The following TFEB variants were observed in gnomAD, a reference collection of about 807,000 sequenced individuals.
TFEB encodes the protein T-cell transcription factor EB.
A neutral mutation model predicts 48.0 loss-of-function variants in TFEB; 12 were observed. That is an observed-to-expected ratio of 0.25 (90% confidence interval 0.16 to 0.40). The LOEUF (loss-of-function observed/expected upper bound fraction) is 0.40. Ranked by LOEUF, TFEB falls within the 10% of genes least tolerant of loss-of-function variation. The pLI is 1.00. For synonymous variants in TFEB, 244 were observed against 261.4 expected, an observed-to-expected ratio of 0.93 and a Z score of 0.64; for missense variants, 509 against 640.3, an observed-to-expected ratio of 0.79 and a Z score of 2.21.
chr6:41,719,346 A>G (rs1296603482), intron 1 of TFEB, among the ~76,000 whole-genome samples: 2 of 152,220 alleles, frequency 1.3e-5, no homozygotes, highest in Non-Finnish European at 2.9e-5. Flanking sequence ...CAATAAATGT[A>G]ATGCTCTTGA....
intron 1 of TFEB, among the ~76,000 whole-genome samples, chr6:41,696,261 C>G (rs1223334951): frequency 6.6e-6 from 1 of 152,202 alleles, no homozygotes; most frequent in Admixed American, 6.5e-5. Context: ...AAACACACTC[C>G]ATGACCCATG....
intron 1 of TFEB, chr6:41,732,569 A>T (rs1021672792): frequency 1.0e-6 from 1 of 985,718 alleles, no homozygotes; most frequent in African/African-American, 1.7e-5. Context: ...CCACATTCCT[A>T]GACACTTTAA....
chr6:41,690,333 T>C (rs1268234406), intron 3 of TFEB, among the ~76,000 whole-genome samples: 1 of 152,160 alleles, frequency 6.6e-6, no homozygotes, highest in Non-Finnish European at 1.5e-5. Flanking sequence ...TTTCACTATG[T>C]TGGCCAGGCT....
chr6:41,728,397 C>T lies in TFEB; in HGVS notation c.-23+6953G>A, dbSNP rs148928879. ...CTGCCCTCTGACACCCCCAGCTCTA[C>T]GGTTCCAATTAGCCCCAAAGCAAGG... On this transcript the variant is annotated intron_variant, in intron 1 of 8. Coordinates refer to ENST00000373033, the MANE Select transcript of TFEB (RefSeq NM_001271944.2). 5.2e-3 allele frequency among the ~76,000 whole-genome samples: 788 copies of T among 152,322 alleles called. 4 individuals carry two copies. Among genetic ancestry groups the T allele is most frequent in the Non-Finnish European group, 8.9e-3 (607 of 68,034 alleles).
intron 1 of TFEB, among the ~76,000 whole-genome samples, chr6:41,712,486 C>T (rs572105205): frequency 3.3e-5 from 5 of 152,302 alleles, no homozygotes; most frequent in African/African-American, 1.2e-4. Context: ...TGAAGCCTCT[C>T]AGGGCCTCAG....
At chr6:41,733,595 G>A (rs915247262) in intron 1 of TFEB, 6 of 985,164 alleles carry the variant, frequency 6.1e-6, no homozygotes, top group East Asian at 1.1e-4. Context: ...GGAGGCAGAC[G>A]GAGAGAAGGG....
chr6:41,725,492 C>T (rs1242693763), intron 1 of TFEB, among the ~76,000 whole-genome samples: 1 of 152,202 alleles, frequency 6.6e-6, no homozygotes, highest in Non-Finnish European at 1.5e-5. Context: ...GGTTCAGTAC[C>T]CTCTGGGAAG....
chr6:41,711,886 C>T (rs1436216810), intron 1 of TFEB, among the ~76,000 whole-genome samples: 1 of 152,220 alleles, frequency 6.6e-6, no homozygotes, highest in Admixed American at 6.5e-5. Context: ...GCTCACCCAG[C>T]TCAGAGGCCT....
At chr6:41,716,803 A>G (rs1217711156) in intron 1 of TFEB, among the ~76,000 whole-genome samples, 1 of 152,170 alleles carries the variant, frequency 6.6e-6, no homozygotes, top group East Asian at 1.9e-4. Context: ...ACACTCTCTG[A>G]CAGGGAGCCA....
intron 1 of TFEB, among the ~76,000 whole-genome samples, chr6:41,697,226 G>A (rs570998037): frequency 3.7e-4 from 56 of 151,908 alleles, no homozygotes; most frequent in African/African-American, 1.3e-3. Context: ...TGGGCAACAC[G>A]GTGAAACCCT....
Position 41,724,065 on chromosome 6 carries a change from A to G in TFEB, c.-23+11285T>C. 2.6e-6 allele frequency: 1 copy of G among 385,542 alleles called. No individual in the cohort carries two copies. The highest frequency in any genetic ancestry group is 5.2e-6 in the Non-Finnish European group (1 of 192,280). The allele number at this position is 385,542 out of a possible 1,614,324, so 23.9% of individuals were successfully genotyped here. On this transcript the variant is annotated intron_variant, in intron 1 of 8. Coordinates refer to ENST00000373033, the MANE Select transcript of TFEB (RefSeq NM_001271944.2). The surrounding 1 kb of genome is among the most constrained non-coding windows in gnomAD (Gnocchi z 4.4). ...CCAGGTCGAGGCCGTACTACAGCCC[A>G]CCTTGAAATGGAGCCTGAGATCAAG...
Position 41,735,384 on chromosome 6 carries a change from C to A in TFEB, c.-57G>T. On this transcript the variant is annotated 5_prime_UTR_variant, in exon 1 of 9. Coordinates refer to ENST00000373033, the MANE Select transcript of TFEB (RefSeq NM_001271944.2). Reference sequence around the variant, plus strand: ...AAGGTCAATCTGTCCGCCGCCCGCGCCCCGCGGCTCCGGCAACTTGTCGCA... The same window carrying A: ...AAGGTCAATCTGTCCGCCGCCCGCGACCCGCGGCTCCGGCAACTTGTCGCA... The A allele has an allele frequency of 1.0e-6, 1 of 985,676 alleles. No individual in the cohort carries two copies. Among genetic ancestry groups the A allele is most frequent in the Non-Finnish European group, 1.2e-6 (1 of 830,442 alleles). The allele number at this position is 985,676 out of a possible 1,614,324, so 61.1% of individuals were successfully genotyped here.
Position 41,690,715 on chromosome 6 carries a change from G to A in TFEB, c.416C>T (p.Ala139Val). Residue 139 changes from alanine to valine, a missense_variant, in exon 3 of 9, where the codon GCT (alanine) becomes GTT (valine). Coordinates refer to ENST00000373033, the MANE Select transcript of TFEB (RefSeq NM_001271944.2). ...HVLSSSAGNS[A>V]PNSPMAMLHI... is the part of the protein sequence containing the mutation. The stretch of plus-strand genomic sequence containing the variant: ...CAGCATGGCCATGGGGCTATTGGGA[G>A]CACTGTTGCCAGCGGAGGAGGACAG... The A allele has an allele frequency of 6.3e-7, 1 of 1,581,594 alleles. No individual in the cohort carries two copies. The highest frequency in any genetic ancestry group is 8.6e-7 in the Non-Finnish European group (1 of 1,159,708).
chr6:41,729,870 G>A (rs571266269), intron 1 of TFEB, among the ~76,000 whole-genome samples: 27 of 152,344 alleles, frequency 1.8e-4, no homozygotes, highest in African/African-American at 6.3e-4. Flanking sequence ...CCCAGGAGAA[G>A]GACGGCTCTC....
chr6:41,726,513 G>C (rs1771215535), intron 1 of TFEB, among the ~76,000 whole-genome samples: 1 of 151,780 alleles, frequency 6.6e-6, no homozygotes, highest in African/African-American at 2.4e-5. Flanking sequence ...ATACGATCTT[G>C]GCTCACTGCA....
At chr6:41,708,051 A>G (rs981259067) in intron 1 of TFEB, among the ~76,000 whole-genome samples, 2 of 152,210 alleles carry the variant, frequency 1.3e-5, no homozygotes, top group African/African-American at 4.8e-5. Flanking sequence ...CCACAGGGGC[A>G]TTGCTGGCCT....
chr6:41,684,592 G>A lies in TFEB; in HGVS notation c.*7C>T, dbSNP rs770203974. 6.5e-7 allele frequency: 1 copy of A among 1,547,828 alleles called. No homozygotes were observed. Among genetic ancestry groups the A allele is most frequent in the Non-Finnish European group, 8.7e-7 (1 of 1,148,150 alleles). ...GCCCCTGTTCCCTGGCACAGGGGCA[G>A]CCAGGGTCACAGCACATCGCCCTCC... On this transcript the variant is annotated 3_prime_UTR_variant, in exon 9 of 9. Coordinates refer to ENST00000373033, the MANE Select transcript of TFEB (RefSeq NM_001271944.2).
rs141043223 is a variant in TFEB at position 41,716,066 on chromosome 6, A to G, written c.-23+19284T>C. Among the ~76,000 whole-genome samples, 14 of 152,338 alleles carry G rather than the reference A, an allele frequency of 9.2e-5. No homozygotes were observed. In the East Asian group the frequency reaches 2.7e-3, roughly 29 times the overall value. On this transcript the variant is annotated intron_variant, in intron 1 of 8. Coordinates refer to ENST00000373033, the MANE Select transcript of TFEB (RefSeq NM_001271944.2). ...TCAGTAATATAGCACTACCACTGCT[A>G]CTAATACCACCACCTCTCTATTATA...
upstream of TFEB, chr6:41,735,681 T>A: frequency 1.8e-6 from 1 of 562,614 alleles, no homozygotes; most frequent in Non-Finnish European, 2.3e-6. Flanking sequence ...CGGCGCCCAC[T>A]GGGAAGCGTA....
Sources: allele counts gnomAD v4.1 joint callset (sites outside exome capture counted in the v4.1 genomes callset), GRCh38; gene constraint gnomAD v4.1.1; non-coding constraint Gnocchi (gnomAD v3.1); transcripts MANE v1.5; gene names NCBI Gene and HGNC (gene_info 2026-07-23, HGNC 2026-07-21).